Variants in CSMD3 observed in about 807,000 individuals in gnomAD.
The protein encoded by CSMD3 is CUB and sushi domain-containing protein 3.
A neutral mutation model predicts 435.2 loss-of-function variants in CSMD3; 177 were observed. The ratio of observed to expected loss-of-function variants is 0.41; its 90% CI spans 0.36 to 0.46. CSMD3 has a LOEUF of 0.46. CSMD3 is among the 20% of genes least tolerant of loss of function. The pLI is 0.34. For missense variants in CSMD3, 4,265 were observed against 4,504.6 expected, an observed-to-expected ratio of 0.95 and a Z score of 1.52; for synonymous variants, 1,656 against 1,520.5, an observed-to-expected ratio of 1.09 and a Z score of -2.07.
At chr8:113,094,384 C>A (rs1280867064) in intron 5 of CSMD3, among the ~76,000 whole-genome samples, 5 of 152,112 alleles carry the variant, frequency 3.3e-5, no homozygotes, top group African/African-American at 1.2e-4. Flanking sequence ...CTTCCTTTCA[C>A]AGACAGATTT....
intron 5 of CSMD3, among the ~76,000 whole-genome samples, chr8:113,089,117 G>A (rs770181974): frequency 1.3e-5 from 2 of 152,036 alleles, no homozygotes; most frequent in Non-Finnish European, 2.9e-5. Flanking sequence ...ATGGACTAAA[G>A]CAATCTTCAC....
chr8:113,345,862 T>G (rs1436499276), intron 1 of CSMD3, among the ~76,000 whole-genome samples: 1 of 152,028 alleles, frequency 6.6e-6, no homozygotes, highest in Non-Finnish European at 1.5e-5. Flanking sequence ...GGATGGGAAT[T>G]CACACACCCC....
chr8:113,289,675 G>A (rs1188409064), intron 2 of CSMD3, among the ~76,000 whole-genome samples: 1 of 151,422 alleles, frequency 6.6e-6, no homozygotes, highest in Non-Finnish European at 1.5e-5. Flanking sequence ...TTTTTTTGGT[G>A]CATTTCAAAG....
chr8:112,748,707 A>G (rs1019095962), intron 13 of CSMD3, among the ~76,000 whole-genome samples: 3 of 152,138 alleles, frequency 2.0e-5, no homozygotes, highest in Admixed American at 6.5e-5. Flanking sequence ...TGCAAGGTAT[A>G]TATGTACCAT....
intron 4 of CSMD3, among the ~76,000 whole-genome samples, chr8:113,166,164 A>G (rs766740165): frequency 1.3e-5 from 2 of 152,144 alleles, no homozygotes; most frequent in Non-Finnish European, 2.9e-5. Flanking sequence ...TGTTTCATTA[A>G]TCATTATACT....
intron 63 of CSMD3, among the ~76,000 whole-genome samples, chr8:112,251,612 A>C (rs1042085656): frequency 6.6e-6 from 1 of 151,870 alleles, no homozygotes; most frequent in Non-Finnish European, 1.5e-5. Flanking sequence ...AATTTCAATT[A>C]CAAACTGAAA....
chr8:113,358,507 C>T (rs996906999), intron 1 of CSMD3, among the ~76,000 whole-genome samples: 1 of 152,138 alleles, frequency 6.6e-6, no homozygotes, highest in Non-Finnish European at 1.5e-5. Flanking sequence ...CGTATGCCAC[C>T]ACGCTTAGCT....
chr8:113,210,337 A>C (rs1304006836), intron 3 of CSMD3, among the ~76,000 whole-genome samples: 2 of 152,078 alleles, frequency 1.3e-5, no homozygotes, highest in African/African-American at 4.8e-5. Flanking sequence ...CTTCAATCAG[A>C]AGATTTAGGT....
intron 31 of CSMD3, among the ~76,000 whole-genome samples, chr8:112,476,124 C>T (rs1351751639): frequency 2.6e-5 from 4 of 152,096 alleles, no homozygotes; most frequent in Non-Finnish European, 4.4e-5. Context: ...TGGCTTGCTG[C>T]AACCTCCACC....
intron 61 of CSMD3, among the ~76,000 whole-genome samples, chr8:112,258,907 C>T (rs1201561301): frequency 7.2e-5 from 11 of 151,962 alleles, no homozygotes; most frequent in African/African-American, 1.2e-4. Context: ...GGTGTGGTGG[C>T]GGGTGCCTGT....
chr8:113,389,771 G>C (rs888798719), intron 1 of CSMD3, among the ~76,000 whole-genome samples: 9 of 151,638 alleles, frequency 5.9e-5, no homozygotes, highest in African/African-American at 2.2e-4. Context: ...CAGGACTGAG[G>C]GGTTTCCCCA....
chr8:112,593,896 G>T (rs184039939), intron 22 of CSMD3, among the ~76,000 whole-genome samples: 1 of 152,028 alleles, frequency 6.6e-6, no homozygotes, highest in Non-Finnish European at 1.5e-5. Context: ...TTGAAGGAAG[G>T]GTCTTTTTGT....
At chr8:112,510,338 C>T (rs184773378) in intron 28 of CSMD3, among the ~76,000 whole-genome samples, 1 of 152,278 alleles carries the variant, frequency 6.6e-6, no homozygotes, top group African/African-American at 2.4e-5. Flanking sequence ...CTGACCCATA[C>T]AGTCTTTCCA....
chr8:112,961,575 G>A (rs1362588820), intron 7 of CSMD3, among the ~76,000 whole-genome samples: 1 of 151,860 alleles, frequency 6.6e-6, no homozygotes, highest in African/African-American at 2.4e-5. Context: ...TAAGAAATAA[G>A]TGTAAATTTT....
chr8:112,229,630 T>C (rs554109123), intron 69 of CSMD3, among the ~76,000 whole-genome samples: 2 of 152,206 alleles, frequency 1.3e-5, no homozygotes, highest in East Asian at 3.9e-4. Context: ...GGTTTCACCA[T>C]GTTGCCCATG....
intron 8 of CSMD3, among the ~76,000 whole-genome samples, chr8:112,954,271 T>C (rs908953504): frequency 4.0e-5 from 6 of 151,550 alleles, no homozygotes; most frequent in African/African-American, 1.4e-4. Flanking sequence ...AAAATTGCTA[T>C]CTTAAAAGTA....
intron 10 of CSMD3, among the ~76,000 whole-genome samples, chr8:112,880,977 A>C (rs1026568806): frequency 1.1e-4 from 17 of 152,188 alleles, no homozygotes; most frequent in African/African-American, 3.9e-4. Context: ...GTATATATTT[A>C]TTATGTACAA....
intron 31 of CSMD3, among the ~76,000 whole-genome samples, chr8:112,481,674 T>C (rs1819632401): frequency 1.3e-5 from 2 of 152,176 alleles, no homozygotes; most frequent in African/African-American, 2.4e-5. Context: ...AATCCTAGTA[T>C]AGAATATGTT....
At chr8:113,375,369 A>C (rs1251673326) in intron 1 of CSMD3, among the ~76,000 whole-genome samples, 5 of 152,214 alleles carry the variant, frequency 3.3e-5, no homozygotes, top group Admixed American at 1.3e-4. Context: ...TGCCAAGAGC[A>C]TATGTCTAAT....
Sources: allele counts gnomAD v4.1 joint callset (sites outside exome capture counted in the v4.1 genomes callset), GRCh38; gene constraint gnomAD v4.1.1; transcripts MANE v1.5; gene names NCBI Gene and HGNC (gene_info 2026-07-23, HGNC 2026-07-21).